Variants in IGSF21 observed in about 807,000 individuals in gnomAD.
The protein encoded by IGSF21 is immunoglobin superfamily member 21, also known as immunoglobulin superfamily member 21.
Under a neutral mutation model 46.8 loss-of-function variants are expected in IGSF21, and 28 were observed. That is an observed-to-expected ratio of 0.60 (90% CI 0.44 to 0.82). The LOEUF (loss-of-function observed/expected upper bound fraction) is 0.82, where lower values mean the gene tolerates loss of function less well. Among genes scored for constraint, IGSF21 ranks in the 40% least tolerant of loss-of-function variants. The pLI is 0.00. For synonymous variants in IGSF21, 284 were observed against 273.6 expected, an observed-to-expected ratio of 1.04 and a Z score of -0.38; for missense variants, 624 against 665.5, an observed-to-expected ratio of 0.94 and a Z score of 0.69.
chr1:18,135,199 T>G (rs1261768156), intron 1 of IGSF21, among the ~76,000 whole-genome samples: 2 of 152,218 alleles, frequency 1.3e-5, no homozygotes, highest in African/African-American at 4.8e-5. Flanking sequence ...GTTCTTACAT[T>G]GCTATAAAGA....
chr1:18,359,078 A>G (rs1412271631), intron 4 of IGSF21, among the ~76,000 whole-genome samples: 1 of 152,006 alleles, frequency 6.6e-6, no homozygotes, highest in Non-Finnish European at 1.5e-5. Context: ...AGCTTGGACA[A>G]TATAGCAAGA....
intron 1 of IGSF21, among the ~76,000 whole-genome samples, chr1:18,165,495 A>T (rs1350255842): frequency 1.3e-5 from 2 of 152,224 alleles, no homozygotes; most frequent in African/African-American, 4.8e-5. Flanking sequence ...TAAAGGCCCT[A>T]CATCCAAACA....
intron 4 of IGSF21, among the ~76,000 whole-genome samples, chr1:18,359,371 A>AAAGAAAGAAAGAAAGAAAGAAAGAAAGG (rs2086063106): frequency 2.0e-5 from 2 of 100,594 alleles, no homozygotes; most frequent in African/African-American, 7.6e-5. Context: ...AGAAAGAAAG[A>AAAGAAAGAAAGAAAGAAAGAAAGAAAGG]AAGAAAGAAA....
rs1285794287 is a variant in IGSF21 at position 18,358,046 on chromosome 1, A to AGT, written c.425-4051_425-4050dup. 7.1e-3 allele frequency among the ~76,000 whole-genome samples: 1,027 copies of AGT among 144,728 alleles called. 7 individuals carry two copies. Among genetic ancestry groups the AGT allele is most frequent in the African/African-American group, 0.022 (817 of 36,806 alleles). 94.9% of individuals were successfully genotyped at this position (144,728 alleles called of 152,430 possible). On this transcript the variant is annotated intron_variant, in intron 4 of 9. Coordinates refer to ENST00000251296, the MANE Select transcript of IGSF21 (RefSeq NM_032880.5). Reference sequence around the variant, plus strand: ...TGCAGATCTCCAGAGAGAGAGAGAGAGTGTGTGTGTGTGTGTGTGAATGTT... The same window carrying AGT: ...TGCAGATCTCCAGAGAGAGAGAGAGAGTGTGTGTGTGTGTGTGTGTGAATGTT...
chr1:18,145,899 AGT>A (rs1406575747), intron 1 of IGSF21, among the ~76,000 whole-genome samples: 1 of 152,086 alleles, frequency 6.6e-6, no homozygotes, highest in Non-Finnish European at 1.5e-5. Context: ...CCTTCCAAGA[AGT>A]GTTTCCAGGC....
intron 2 of IGSF21, among the ~76,000 whole-genome samples, chr1:18,238,427 G>A (rs2084693071): frequency 6.6e-6 from 1 of 152,210 alleles, no homozygotes; most frequent in Admixed American, 6.5e-5. Flanking sequence ...GACGGGAAGA[G>A]GAGATAAGAA....
At chr1:18,212,196 A>G (rs548139410) in intron 1 of IGSF21, among the ~76,000 whole-genome samples, 2 of 152,352 alleles carry the variant, frequency 1.3e-5, no homozygotes, top group African/African-American at 2.4e-5. Context: ...ATCTCTCTGC[A>G]TCTCCCCTTG....
chr1:18,117,008 G>C (rs1333522200), intron 1 of IGSF21, among the ~76,000 whole-genome samples: 1 of 152,200 alleles, frequency 6.6e-6, no homozygotes, highest in Non-Finnish European at 1.5e-5. Context: ...AGACCTGCCT[G>C]CTAGGAAAGC....
At chr1:18,158,500 A>G (rs2124440385) in intron 1 of IGSF21, among the ~76,000 whole-genome samples, 1 of 151,950 alleles carries the variant, frequency 6.6e-6, no homozygotes, top group South Asian at 2.1e-4. Flanking sequence ...CTGCCCACCC[A>G]CCCAGGCCCG....
At chr1:18,265,715 A>G (rs541534675) in intron 2 of IGSF21, among the ~76,000 whole-genome samples, 1 of 152,142 alleles carries the variant, frequency 6.6e-6, no homozygotes, top group Non-Finnish European at 1.5e-5. Flanking sequence ...CCCATGTGGC[A>G]CTGCTGGCTG....
chr1:18,275,589 G>A (rs565381641), intron 2 of IGSF21, among the ~76,000 whole-genome samples: 7 of 152,238 alleles, frequency 4.6e-5, no homozygotes, highest in East Asian at 3.9e-4. Context: ...GGGGAGCAGT[G>A]GGGAAAGGAA....
chr1:18,288,100 A>G (rs1040709054), intron 2 of IGSF21, among the ~76,000 whole-genome samples: 1 of 152,186 alleles, frequency 6.6e-6, no homozygotes, highest in Non-Finnish European at 1.5e-5. Flanking sequence ...CATTTCACAG[A>G]TGAGGAAACT....
At chr1:18,232,209 C>CTTTTT (rs55775011) in intron 2 of IGSF21, among the ~76,000 whole-genome samples, 1 of 105,008 alleles carries the variant, frequency 9.5e-6, no homozygotes, top group Non-Finnish European at 1.9e-5. Context: ...CTCCAGACAG[C>CTTTTT]TTTTTTTTGG....
intron 2 of IGSF21, among the ~76,000 whole-genome samples, chr1:18,275,735 G>C (rs1220332925): frequency 6.6e-6 from 1 of 152,104 alleles, no homozygotes; most frequent in Non-Finnish European, 1.5e-5. Flanking sequence ...CCATTGCACA[G>C]ACACCTGCAG....
intron 4 of IGSF21, among the ~76,000 whole-genome samples, chr1:18,355,682 T>C (rs1161321576): frequency 6.6e-6 from 1 of 151,640 alleles, no homozygotes; most frequent in Non-Finnish European, 1.5e-5. Flanking sequence ...TTTAAGGGAG[T>C]TTTATGGTGG....
At chr1:18,197,133 C>A (rs2087017711) in intron 1 of IGSF21, among the ~76,000 whole-genome samples, 2 of 152,242 alleles carry the variant, frequency 1.3e-5, no homozygotes, top group Non-Finnish European at 2.9e-5. Flanking sequence ...GCATACAAAT[C>A]ACTCAGCATT....
chr1:18,116,456 G>C (rs2086191087), intron 1 of IGSF21, among the ~76,000 whole-genome samples: 1 of 152,242 alleles, frequency 6.6e-6, no homozygotes, highest in African/African-American at 2.4e-5. Flanking sequence ...AAAATGGAGG[G>C]TGAGTGAGAT....
intron 2 of IGSF21, among the ~76,000 whole-genome samples, chr1:18,235,492 G>T (rs1249075703): frequency 5.9e-5 from 9 of 152,216 alleles, no homozygotes; most frequent in African/African-American, 1.9e-4. Context: ...TTTAAGCTGA[G>T]ATCGCAAAGG....
chr1:18,376,180 T>G, intron 6 of IGSF21, 130 bp from the exon 7 acceptor site: 1 of 735,122 alleles, frequency 1.4e-6, no homozygotes, highest in Non-Finnish European at 2.5e-6. Context: ...AATGAATGAA[T>G]GAGCACACTG....
Sources: allele counts gnomAD v4.1 joint callset (sites outside exome capture counted in the v4.1 genomes callset), GRCh38; gene constraint gnomAD v4.1.1; transcripts MANE v1.5; gene names NCBI Gene and HGNC (gene_info 2026-07-23, HGNC 2026-07-21).